STON1: variants seen among roughly 807,000 people sequenced by gnomAD.
The protein encoded by STON1 is stonin 1.
STON1 carries 79 observed loss-of-function variants against 60.9 expected under a neutral mutation model. That is an observed-to-expected ratio of 1.30 (90% CI 1.08 to 1.56). The LOEUF (loss-of-function observed/expected upper bound fraction) is 1.56, where lower values mean the gene tolerates loss of function less well. Ranked by LOEUF, STON1 falls within the 40% of genes most tolerant of loss-of-function variation. The pLI, the probability that STON1 is intolerant of heterozygous loss-of-function variation, is 0.00. For synonymous variants in STON1, 363 were observed against 306.9 expected (o/e 1.18, Z -1.91); for missense variants, 1,166 against 858.9 (o/e 1.36, Z -4.47).
intron 1 of STON1, among the ~76,000 whole-genome samples, chr2:48,558,027 A>G (rs186904135): frequency 8.1e-4 from 123 of 152,334 alleles, no homozygotes; most frequent in Admixed American, 3.6e-3. Flanking sequence ...GTTCGAGACC[A>G]GCATGACCAA....
chr2:48,530,782 G>A (rs1572914953), intron 1 of STON1: 1 of 152,346 alleles, frequency 6.6e-6, no homozygotes, highest in East Asian at 1.9e-4. Context: ...CCAGGCCACG[G>A]GGCCACAGCC....
At position 48,581,275 on chromosome 2, in the gene STON1, G is replaced by A. The variant is rs140426223; in HGVS notation, c.642G>A (p.Met214Ile). ...KKMFSSRNKE[M>I]PIDQKSLNKC... ...TGTTCTCATCAAGAAACAAGGAGAT[G>A]CCTATTGACCAAAAAAGCCTAAATA... The change falls in exon 2 of 4, where the codon ATG becomes ATA. Residue 214 changes from methionine to isoleucine, a missense_variant. Transcript: ENST00000404752. The A allele has an allele frequency of 2.6e-5, 39 of 1,519,106 alleles. 1 individual carries two copies. The highest frequency in any genetic ancestry group is 3.1e-5 in the Non-Finnish European group (35 of 1,137,874). The allele number at this position is 1,519,106 out of a possible 1,614,324, so 94.1% of individuals were successfully genotyped here.
At chr2:48,561,718 C>G (rs1461842816) in intron 1 of STON1, among the ~76,000 whole-genome samples, 2 of 152,174 alleles carry the variant, frequency 1.3e-5, no homozygotes, top group Admixed American at 6.5e-5. Flanking sequence ...CCAAATGTTT[C>G]CTGGGGAGTT....
intron 1 of STON1, among the ~76,000 whole-genome samples, chr2:48,545,335 C>T (rs1372618829): frequency 6.6e-6 from 1 of 152,182 alleles, no homozygotes; most frequent in South Asian, 2.1e-4. Context: ...CCCTGCTTGT[C>T]GGTATTGGCC....
At position 48,535,779 on chromosome 2, in the gene STON1, G is replaced by A. The variant is rs560458952; in HGVS notation, c.-48+5563G>A. On this transcript the variant is annotated intron_variant, in intron 1 of 3. Coordinates refer to ENST00000404752, the MANE Select transcript of STON1 (RefSeq NM_006873.4). ...TTTTATCCTACCCAGCAGTCAGTGA[G>A]CATTTGTGATTACACAAATTTGTGT... Among the ~76,000 whole-genome samples, 10 of 152,030 alleles carry A rather than the reference G, an allele frequency of 6.6e-5. No homozygotes were observed. In the South Asian group the frequency reaches 1.9e-3, roughly 28 times the overall value.
chr2:48,557,524 A>C (rs1361287544), intron 1 of STON1, among the ~76,000 whole-genome samples: 3 of 110,640 alleles, frequency 2.7e-5, no homozygotes, highest in Admixed American at 8.9e-5. Context: ...CTCACTTCCC[A>C]GACGGGGTGG....
chr2:48,578,736 AC>A lies in STON1; in HGVS notation c.-47-1848del, dbSNP rs200806802. Reference sequence around the variant, plus strand: ...ATGCCTGGCTAATTTTTGGGCAGGTACCCACCACCATGCTTGGTTAACTTTT... The same window carrying A: ...ATGCCTGGCTAATTTTTGGGCAGGTACCACCACCATGCTTGGTTAACTTTT... On this transcript the variant is annotated intron_variant, in intron 1 of 3. Coordinates refer to ENST00000404752, the MANE Select transcript of STON1 (RefSeq NM_006873.4). Among the ~76,000 whole-genome samples the A allele has an allele frequency of 4.7e-4, 71 of 151,630 alleles. No homozygotes were observed. In the East Asian group the frequency reaches 0.012, roughly 26 times the overall value.
chr2:48,531,403 A>G (rs955808579), intron 1 of STON1: 8 of 152,210 alleles, frequency 5.3e-5, no homozygotes, highest in Non-Finnish European at 7.3e-5. Context: ...TCCTGAGGCT[A>G]TGGACTCCCC....
At chr2:48,591,285 T>G (rs1351559415) in intron 2 of STON1, among the ~76,000 whole-genome samples, 1 of 150,056 alleles carries the variant, frequency 6.7e-6, no homozygotes, top group Non-Finnish European at 1.5e-5. Flanking sequence ...TATACTAATA[T>G]AATTTGCTAA....
At chr2:48,565,384 A>C (rs535966000) in intron 1 of STON1, among the ~76,000 whole-genome samples, 2 of 152,088 alleles carry the variant, frequency 1.3e-5, no homozygotes, top group Admixed American at 6.5e-5. Context: ...AATCCTATTC[A>C]TGAGGGCTCT....
At chr2:48,594,455 C>T (rs1458549102) in intron 3 of STON1, among the ~76,000 whole-genome samples, 1 of 152,108 alleles carries the variant, frequency 6.6e-6, no homozygotes, top group Non-Finnish European at 1.5e-5. Context: ...TTATCTGTTG[C>T]CAGATACTGC....
intron 1 of STON1, among the ~76,000 whole-genome samples, chr2:48,552,047 C>T (rs1672128318): frequency 6.6e-6 from 1 of 152,248 alleles, no homozygotes; most frequent in South Asian, 2.1e-4. Flanking sequence ...GCTGCATTGC[C>T]TGCTGCTCCA....
intron 2 of STON1, among the ~76,000 whole-genome samples, chr2:48,591,246 A>G (rs1001494931): frequency 4.7e-5 from 7 of 149,810 alleles, no homozygotes; most frequent in Middle Eastern, 3.5e-3. Context: ...AGCAAATTAT[A>G]TTAGTATAAT....
chr2:48,557,114 C>A (rs1428246638), intron 1 of STON1, among the ~76,000 whole-genome samples: 2 of 103,326 alleles, frequency 1.9e-5, no homozygotes, highest in African/African-American at 7.2e-5. Flanking sequence ...GGCTGCCGGG[C>A]GGAGACGCTC....
intron 2 of STON1, among the ~76,000 whole-genome samples, chr2:48,588,606 C>A (rs1407931699): frequency 6.6e-6 from 1 of 152,198 alleles, no homozygotes; most frequent in African/African-American, 2.4e-5. Flanking sequence ...CCGCCTTGGC[C>A]TTCCGAGTGC....
At chr2:48,584,735 G>T (rs984288394) in intron 2 of STON1, among the ~76,000 whole-genome samples, 6 of 152,192 alleles carry the variant, frequency 3.9e-5, no homozygotes, top group African/African-American at 9.7e-5. Context: ...CCAGAGGGAA[G>T]AACACTGCTC....
rs116845867 is a variant in STON1 at position 48,552,482 on chromosome 2, G to T, written c.-48+22266G>T. ...ATGCCACTAAAGTGTACACTTACAGGCCGGGTGTGGTGGCTCATGCCTGTA... is the reference window on the plus strand; with the variant it reads ...ATGCCACTAAAGTGTACACTTACAGTCCGGGTGTGGTGGCTCATGCCTGTA... On this transcript the variant is annotated intron_variant, in intron 1 of 3. Transcript: ENST00000404752. Among the ~76,000 whole-genome samples the T allele has an allele frequency of 6.0e-4, 92 of 152,272 alleles. 1 individual carries two copies. In the East Asian group the frequency reaches 0.017, roughly 27 times the overall value.
chr2:48,560,638 A>G (rs2103824526), intron 1 of STON1, among the ~76,000 whole-genome samples: 1 of 152,276 alleles, frequency 6.6e-6, no homozygotes, highest in East Asian at 1.9e-4. Context: ...CAGAAGGTAG[A>G]TAGGGTATGA....
chr2:48,585,092 A>G (rs1378571477), intron 2 of STON1, among the ~76,000 whole-genome samples: 2 of 152,168 alleles, frequency 1.3e-5, no homozygotes, highest in African/African-American at 4.8e-5. Flanking sequence ...CATACTAGCA[A>G]GGATAGCTCA....
Sources: gnomAD v4.1 joint callset for allele counts (sites outside exome capture counted in the v4.1 genomes callset) on GRCh38, gnomAD v4.1.1 for gene constraint, MANE v1.5 for transcripts, NCBI Gene and HGNC (gene_info 2026-07-23, HGNC 2026-07-21) for gene names.